The following ZNF516 variants were observed in gnomAD, a reference collection of about 807,000 sequenced individuals.
ZNF516 encodes zinc finger protein 516.
In ZNF516, 19 loss-of-function variants were observed where a neutral mutation model predicts 79.7. The ratio of observed to expected loss-of-function variants is 0.24; its 90% CI spans 0.17 to 0.35. The LOEUF is 0.35. Ranked by LOEUF, ZNF516 falls within the 10% of genes least tolerant of loss-of-function variation. ZNF516 has a pLI of 1.00. For synonymous variants in ZNF516, 877 were observed against 739.5 expected, an observed-to-expected ratio of 1.19 and a Z score of -3.02; for missense variants, 1,678 against 1,679.5, an observed-to-expected ratio of 1.00 and a Z score of 0.02.
chr18:76,437,588 T>C (rs886804773), intron 3 of ZNF516, among the ~76,000 whole-genome samples: 2 of 152,152 alleles, frequency 1.3e-5, no homozygotes, highest in Non-Finnish European at 2.9e-5. Context: ...AATGGTCCTT[T>C]GTGGGACAGG....
At position 76,379,206 on chromosome 18, in the gene ZNF516, C is replaced by A; in HGVS notation, c.2908G>T (p.Ala970Ser). 6.2e-7 allele frequency: 1 copy of A among 1,612,858 alleles called. No individual in the cohort carries two copies. Among genetic ancestry groups the A allele is most frequent in the Non-Finnish European group, 8.5e-7 (1 of 1,179,744 alleles). ...AGFAPTNKHSAPDSLKAKFSA... is the reference protein window; with the variant it reads ...AGFAPTNKHSSPDSLKAKFSA... ...AATTTGGCTTTCAGGGAGTCCGGGG[C>A]ACTGTGCTTATTTGTGGGGGCAAAG... The change falls in exon 4 of 7, where the codon GCC becomes TCC. Residue 970 changes from alanine (A) to serine (S), a missense_variant. Transcript: ENST00000443185.
intron 2 of ZNF516, among the ~76,000 whole-genome samples, chr18:76,457,906 C>T (rs1366325849): frequency 6.6e-6 from 1 of 152,180 alleles, no homozygotes; most frequent in Non-Finnish European, 1.5e-5. Flanking sequence ...AAAGACAGCT[C>T]ACTAGGACAC....
Position 76,362,506 on chromosome 18 carries a change from CCTTT to C in ZNF516, c.3480_3483del (p.Lys1161GlufsTer14). ...GCGTCGGAAACACGCCTTTAGGTTCCCTTTCTCAGAGGCACTGTCTGGACGGTAC... is the reference window on the plus strand; with the variant it reads ...GCGTCGGAAACACGCCTTTAGGTTCCCTCAGAGGCACTGTCTGGACGGTAC... On this transcript the variant is annotated frameshift_variant, in exon 7 of 7. Coordinates refer to ENST00000443185, the MANE Select transcript of ZNF516 (RefSeq NM_014643.4). LOFTEE classifies it high-confidence loss of function. 6.2e-7 allele frequency: 1 copy of C among 1,613,202 alleles called. No homozygotes were observed. The highest frequency in any genetic ancestry group is 8.5e-7 in the Non-Finnish European group (1 of 1,179,304).
At chr18:76,418,466 C>T (rs74720425) in intron 3 of ZNF516, among the ~76,000 whole-genome samples, 13 of 147,172 alleles carry the variant, frequency 8.8e-5, no homozygotes, top group African/African-American at 3.3e-4. Context: ...TGCTGTAACA[C>T]GCTACAACAT....
chr18:76,477,140 T>C (rs969462658), intron 1 of ZNF516, among the ~76,000 whole-genome samples: 2 of 152,202 alleles, frequency 1.3e-5, no homozygotes, highest in South Asian at 2.1e-4. Context: ...AGCTGAGTCA[T>C]ATCGTTTGGA....
intron 1 of ZNF516, among the ~76,000 whole-genome samples, chr18:76,477,434 T>C (rs943068290): frequency 1.3e-5 from 2 of 152,052 alleles, no homozygotes; most frequent in African/African-American, 2.4e-5. Flanking sequence ...AGCCCCACAA[T>C]GAGGAAGCAA....
intron 3 of ZNF516, among the ~76,000 whole-genome samples, chr18:76,397,770 T>A (rs996543513): frequency 2.0e-5 from 3 of 152,156 alleles, no homozygotes; most frequent in Non-Finnish European, 4.4e-5. Context: ...GCTACTTTTT[T>A]AAAAACTTTT....
chr18:76,461,039 G>A (rs971392433), intron 2 of ZNF516, among the ~76,000 whole-genome samples: 2 of 152,092 alleles, frequency 1.3e-5, no homozygotes, highest in African/African-American at 2.4e-5. Context: ...AAAATTAGCC[G>A]GGCGTGGTGG....
intron 3 of ZNF516, among the ~76,000 whole-genome samples, chr18:76,384,158 GAGGTGAA>G (rs1211215785): frequency 1.3e-5 from 2 of 152,074 alleles, no homozygotes; most frequent in African/African-American, 4.8e-5. Flanking sequence ...CTGCACACGC[GAGGTGAA>G]CCTCCCAGAG....
intron 1 of ZNF516, among the ~76,000 whole-genome samples, chr18:76,476,055 A>T (rs1012575027): frequency 2.6e-5 from 4 of 152,228 alleles, no homozygotes; most frequent in Non-Finnish European, 4.4e-5. Context: ...TCGATGGCCA[A>T]GATGATGAAG....
intron 3 of ZNF516, among the ~76,000 whole-genome samples, chr18:76,428,652 G>T (rs1452408715): frequency 6.6e-6 from 1 of 152,118 alleles, no homozygotes; most frequent in Non-Finnish European, 1.5e-5. Context: ...CACATCAAAT[G>T]CGCTTACTAC....
Position 76,443,004 on chromosome 18 carries a change from G to A in ZNF516, c.51C>T (p.Pro17=). 2 of 1,601,376 alleles carry A rather than the reference G, an allele frequency of 1.2e-6. No individual in the cohort carries two copies. Among genetic ancestry groups the A allele is most frequent in the South Asian group, 1.1e-5 (1 of 90,568 alleles). The part of the protein sequence containing the change: ...AEMELRRGPS[P]TRAGRGHEVD... The stretch of plus-strand genomic sequence containing the variant: ...CCTCGTGGCCCCGGCCGGCCCTGGT[G>A]GGGCTGGGGCCTCGCCTCAGCTCCA... The change falls in exon 3 of 7, where the codon CCC becomes CCT. Residue 17 remains proline (P), a synonymous_variant. Coordinates refer to ENST00000443185, the MANE Select transcript of ZNF516 (RefSeq NM_014643.4).
chr18:76,375,542 T>C (rs758131284), intron 4 of ZNF516, among the ~76,000 whole-genome samples: 2 of 144,028 alleles, frequency 1.4e-5, no homozygotes, highest in South Asian at 2.2e-4. Context: ...GGAGATCAGG[T>C]AGAGGATGGA....
At chr18:76,481,186 G>T (rs1238435950) in intron 1 of ZNF516, among the ~76,000 whole-genome samples, 1 of 152,226 alleles carries the variant, frequency 6.6e-6, no homozygotes, top group Non-Finnish European at 1.5e-5. Flanking sequence ...CCAGCTCACT[G>T]GGATGGCTAC....
intron 3 of ZNF516, among the ~76,000 whole-genome samples, chr18:76,418,033 T>C (rs1285395405): frequency 6.6e-6 from 1 of 152,172 alleles, no homozygotes; most frequent in Non-Finnish European, 1.5e-5. Context: ...CGTTTCTCCT[T>C]CTCACTGCCT....
At chr18:76,475,575 C>T (rs56033508) in intron 1 of ZNF516, among the ~76,000 whole-genome samples, 4,113 of 152,198 alleles carry the variant, frequency 0.027, 189 homozygotes, top group African/African-American at 0.094. Flanking sequence ...CTGATAGCAG[C>T]CCAAATGTCC....
rs779115185 is a variant in ZNF516, at chr18:76,443,062, A to G, written c.-8T>C. 5.2e-5 allele frequency: 82 copies of G among 1,576,786 alleles called. No homozygotes were observed. In the Middle Eastern group the frequency reaches 8.4e-4, roughly 16 times the overall value. On this transcript the variant is annotated 5_prime_UTR_variant, in exon 3 of 7. Transcript: ENST00000443185. ...CTCTCTGTTGCGATCCATCCGAAGG[A>G]CGGGCGCGGCCGGTGGTGGCGGCAC...
chr18:76,408,602 A>G (rs1414143600), intron 3 of ZNF516, among the ~76,000 whole-genome samples: 1 of 152,216 alleles, frequency 6.6e-6, no homozygotes, highest in Non-Finnish European at 1.5e-5. Context: ...CATGGCTCCC[A>G]AGACTGTGTG....
chr18:76,404,765 C>G (rs674595), intron 3 of ZNF516, among the ~76,000 whole-genome samples: 151,555 of 152,234 alleles, frequency 1, 75,444 homozygotes, highest in Middle Eastern at 1. Context: ...ATATGAGCAT[C>G]TTTGAGCATG....
Sources: gnomAD v4.1 joint callset for allele counts (sites outside exome capture counted in the v4.1 genomes callset) on GRCh38, gnomAD v4.1.1 for gene constraint, MANE v1.5 for transcripts, NCBI Gene and HGNC (gene_info 2026-07-23, HGNC 2026-07-21) for gene names.